Variants in LRRC28 observed in about 807,000 individuals in gnomAD.
LRRC28 encodes leucine-rich repeat-containing protein 28.
Under a neutral mutation model 45.7 loss-of-function variants are expected in LRRC28, and 39 were observed. The ratio of observed to expected loss-of-function variants is 0.85; its 90% CI spans 0.66 to 1.12. LRRC28 has a LOEUF of 1.12. Ranked by LOEUF, LRRC28 falls within the 50% of genes most tolerant of loss-of-function variation. The pLI is 0.00. For synonymous variants in LRRC28, 206 were observed against 178.8 expected, an observed-to-expected ratio of 1.15 and a Z score of -1.22; for missense variants, 435 against 438.5, an observed-to-expected ratio of 0.99 and a Z score of 0.07.
At chr15:99,365,812 A>C (rs1235133692) in intron 9 of LRRC28, among the ~76,000 whole-genome samples, 2 of 152,240 alleles carry the variant, frequency 1.3e-5, no homozygotes, top group African/African-American at 2.4e-5. Flanking sequence ...GTGAAGTAAA[A>C]AGAAATGACA....
intron 9 of LRRC28, among the ~76,000 whole-genome samples, chr15:99,379,469 T>C (rs1957750294): frequency 6.6e-6 from 1 of 152,190 alleles, no homozygotes; most frequent in African/African-American, 2.4e-5. Flanking sequence ...CTATCAATTT[T>C]GTTGATCTTT....
chr15:99,253,333 C>T (rs1001224076), intron 1 of LRRC28, among the ~76,000 whole-genome samples: 2 of 152,194 alleles, frequency 1.3e-5, no homozygotes, highest in African/African-American at 4.8e-5. Flanking sequence ...GTTGGCCAGG[C>T]TGGTCTCGAA....
intron 6 of LRRC28, among the ~76,000 whole-genome samples, chr15:99,347,423 G>T (rs1166079962): frequency 6.6e-6 from 1 of 152,160 alleles, no homozygotes; most frequent in South Asian, 2.1e-4. Flanking sequence ...TAGCCAGGAT[G>T]GTCTTGATCT....
chr15:99,275,504 G>A lies in LRRC28; in HGVS notation c.169-1072G>A, dbSNP rs149859276. ...CTGCAGATTTCCCTTACTTTCTCTC[G>A]AGGAGCATGATTTGGGAATTTGGAG... On this transcript the variant is annotated intron_variant, in intron 2 of 9. Coordinates refer to ENST00000301981, the MANE Select transcript of LRRC28 (RefSeq NM_144598.5). 2.5e-3 allele frequency among the ~76,000 whole-genome samples: 374 copies of A among 152,314 alleles called. 1 individual carries two copies. Among genetic ancestry groups the A allele is most frequent in the African/African-American group, 8.2e-3 (342 of 41,562 alleles).
At chr15:99,314,017 G>A (rs368409421) in intron 5 of LRRC28, among the ~76,000 whole-genome samples, 18 of 152,298 alleles carry the variant, frequency 1.2e-4, no homozygotes, top group African/African-American at 3.8e-4. Context: ...GATTTCTAGA[G>A]TTATGAATAG....
intron 9 of LRRC28, among the ~76,000 whole-genome samples, chr15:99,372,353 C>T (rs1324550865): frequency 1.3e-5 from 2 of 152,168 alleles, no homozygotes; most frequent in African/African-American, 4.8e-5. Context: ...AATGTCATGT[C>T]TGATGTTCTT....
At chr15:99,353,961 A>T (rs979941959) in intron 7 of LRRC28, 62 of 152,298 alleles carry the variant, frequency 4.1e-4, no homozygotes, top group African/African-American at 1.3e-3. Context: ...AAATCTTTTT[A>T]AAAAAACAAA....
rs1958148629 is a variant in LRRC28, at chr15:99,390,345, G to A, written c.*4243G>A. On this transcript the variant is annotated 3_prime_UTR_variant, in exon 10 of 10. Coordinates refer to ENST00000301981, the MANE Select transcript of LRRC28 (RefSeq NM_144598.5). ...GAGACAGAAGGTACTGGCAGCGAGT[G>A]TGGTGGATGGGCAGAAGGTGTAGCA... is the stretch of plus-strand genomic sequence containing the variant. 6.6e-6 allele frequency: 1 copy of A among 152,254 alleles called. No individual in the cohort carries two copies. Among genetic ancestry groups the A allele is most frequent in the Admixed American group, 6.5e-5 (1 of 15,286 alleles). 9.4% of individuals were successfully genotyped at this position (152,254 alleles called of 1,614,324 possible).
intron 5 of LRRC28, among the ~76,000 whole-genome samples, chr15:99,293,288 A>G (rs187860201): frequency 6.6e-6 from 1 of 152,032 alleles, no homozygotes; most frequent in Non-Finnish European, 1.5e-5. Context: ...TATTTTTGCA[A>G]GTCAGTTGTC....
rs1958144573 is a variant in LRRC28, at chr15:99,390,228, A to G, written c.*4126A>G. ...GGTGTCTCTAGGAAAGGAATTGATC[A>G]TAGCCAAGTGACTGACATTCTCTCG... is the stretch of plus-strand genomic sequence containing the variant. On this transcript the variant is annotated 3_prime_UTR_variant, in exon 10 of 10. Coordinates refer to ENST00000301981, the MANE Select transcript of LRRC28 (RefSeq NM_144598.5). 6.6e-6 allele frequency: 1 copy of G among 152,284 alleles called. No homozygotes were observed. Among genetic ancestry groups the G allele is most frequent in the South Asian group, 2.1e-4 (1 of 4,834 alleles). 9.4% of individuals were successfully genotyped at this position (152,284 alleles called of 1,614,324 possible). A position where few individuals can be genotyped will look rare whatever the true frequency, so the allele number is the denominator to read the frequency against.
intron 5 of LRRC28, among the ~76,000 whole-genome samples, chr15:99,302,738 C>T (rs976282500): frequency 1.2e-4 from 19 of 152,158 alleles, no homozygotes; most frequent in South Asian, 4.1e-4. Flanking sequence ...TGTTCTCACC[C>T]GCAGTCAACC....
intron 3 of LRRC28, among the ~76,000 whole-genome samples, chr15:99,278,526 G>A (rs535413273): frequency 6.6e-5 from 10 of 152,314 alleles, no homozygotes; most frequent in East Asian, 3.9e-4. Context: ...GATTACAGGC[G>A]TGAGCCACTG....
At chr15:99,351,218 G>A (rs1038973977) in intron 6 of LRRC28, among the ~76,000 whole-genome samples, 7 of 152,120 alleles carry the variant, frequency 4.6e-5, no homozygotes, top group Non-Finnish European at 8.8e-5. Flanking sequence ...GCTTAGGAGC[G>A]GAGAGGAGAG....
At chr15:99,252,187 T>C (rs994651505) in intron 1 of LRRC28, among the ~76,000 whole-genome samples, 4 of 152,208 alleles carry the variant, frequency 2.6e-5, no homozygotes, top group Non-Finnish European at 5.9e-5. Context: ...GTAGTATAAC[T>C]ATACAAGAGG....
chr15:99,314,693 G>A (rs138035591), intron 5 of LRRC28, among the ~76,000 whole-genome samples: 2 of 152,286 alleles, frequency 1.3e-5, no homozygotes, highest in East Asian at 3.9e-4. Context: ...GCTTTAAAGT[G>A]TATGAAAGCC....
At chr15:99,367,536 C>G (rs947197602) in intron 9 of LRRC28, among the ~76,000 whole-genome samples, 3 of 152,144 alleles carry the variant, frequency 2.0e-5, no homozygotes, top group African/African-American at 7.2e-5. Flanking sequence ...GGGCAGAGCT[C>G]TCATGACCTA....
intron 5 of LRRC28, among the ~76,000 whole-genome samples, chr15:99,314,185 C>G (rs1434938268): frequency 3.9e-5 from 6 of 152,110 alleles, no homozygotes; most frequent in Non-Finnish European, 4.4e-5. Flanking sequence ...TGGCTCATCC[C>G]TGTAATCCTA....
intron 3 of LRRC28, chr15:99,284,849 G>A: frequency 1.8e-6 from 1 of 559,602 alleles, no homozygotes. Context: ...CAAATCCATT[G>A]TAGCCATCCC....
chr15:99,270,121 T>C (rs1247559936), intron 2 of LRRC28, among the ~76,000 whole-genome samples: 2 of 152,244 alleles, frequency 1.3e-5, no homozygotes, highest in Non-Finnish European at 2.9e-5. Context: ...ATTTAACTCA[T>C]GTCGTGTACC....
Sources: gnomAD v4.1 joint callset for allele counts (sites outside exome capture counted in the v4.1 genomes callset) on GRCh38, gnomAD v4.1.1 for gene constraint, MANE v1.5 for transcripts, NCBI Gene and HGNC (gene_info 2026-07-23, HGNC 2026-07-21) for gene names.